Variants in CHD1 observed in about 807,000 individuals in gnomAD.
The protein encoded by CHD1 is ATP-dependent chromatin remodeler CHD1.
Under a neutral mutation model 224.2 loss-of-function variants are expected in CHD1, and 36 were observed. The ratio of observed to expected loss-of-function variants is 0.16; its 90% CI spans 0.12 to 0.21. CHD1 has a LOEUF of 0.21. Ranked by LOEUF, CHD1 falls within the 10% of genes least tolerant of loss-of-function variation. CHD1 has a pLI of 1.00. For missense variants in CHD1, 1,378 were observed against 1,994.8 expected, an observed-to-expected ratio of 0.69 and a Z score of 5.89; for synonymous variants, 668 against 658.3, an observed-to-expected ratio of 1.01 and a Z score of -0.23.
In CHD1 at chr5:98,858,192, T is replaced by C. The variant is rs774723846; in HGVS notation, c.4775A>G (p.Lys1592Arg). 20 of 1,613,032 alleles carry C rather than the reference T, an allele frequency of 1.2e-5. No individual in the cohort carries two copies. Among genetic ancestry groups the C allele is most frequent in the Non-Finnish European group, 1.7e-5 (20 of 1,179,196 alleles). ...GKDHRDWDHY[K>R]QDSRYYSDRE... ...CTGCCAAGTTTACCTGCTGTCTTGCTTGTAGTGATCCCAATCACGATGGTC... is the reference window on the plus strand; with the variant it reads ...CTGCCAAGTTTACCTGCTGTCTTGCCTGTAGTGATCCCAATCACGATGGTC... The change falls in exon 35 of 36, where the codon AAG becomes AGG. Residue 1592 changes from lysine (K) to arginine (R), a missense_variant. Physicochemically the swap from Lys to Arg is conservative, Grantham distance 26. Coordinates refer to ENST00000614616, the MANE Select transcript of CHD1 (RefSeq NM_001270.4).
intron 24 of CHD1, among the ~76,000 whole-genome samples, chr5:98,875,638 A>C (rs1480847360): frequency 6.6e-6 from 1 of 152,192 alleles, no homozygotes; most frequent in East Asian, 1.9e-4. Context: ...TAAAGACGAA[A>C]AGTACAGCAA....
At chr5:98,878,703 A>T (rs1451976127) in intron 23 of CHD1, among the ~76,000 whole-genome samples, 1 of 152,182 alleles carries the variant, frequency 6.6e-6, no homozygotes, top group Non-Finnish European at 1.5e-5. Flanking sequence ...TGATTAACAA[A>T]CATAGTTGAA....
chr5:98,906,925 TC>T (rs1472313781), intron 2 of CHD1, among the ~76,000 whole-genome samples: 1 of 152,202 alleles, frequency 6.6e-6, no homozygotes, highest in East Asian at 1.9e-4. Flanking sequence ...TTTATGAAAC[TC>T]AATTTTTTTC....
chr5:98,918,023 T>C (rs1385925397), intron 2 of CHD1, among the ~76,000 whole-genome samples: 1 of 152,006 alleles, frequency 6.6e-6, no homozygotes. Flanking sequence ...GCTTCCTTTT[T>C]TTTCCTTCCT....
intron 32 of CHD1, chr5:98,860,296 C>A: frequency 2.1e-6 from 1 of 475,366 alleles, no homozygotes; most frequent in Non-Finnish European, 4.0e-6. Flanking sequence ...CAAATCGCTT[C>A]ATTTTATAGT....
intron 16 of CHD1, 24 bp downstream of exon 16, chr5:98,889,052 G>A: frequency 6.7e-7 from 1 of 1,495,276 alleles, no homozygotes; most frequent in Non-Finnish European, 9.2e-7. Context: ...TTATCACAAA[G>A]AAACAACATT....
rs528376296 is a variant in CHD1 at position 98,870,818 on chromosome 5, A to C, written c.3862-15T>G. Reference sequence around the variant, plus strand: ...TCTGGAAGAATCTGAAAAAGCAATAAATTTTTTCAGATTGTCTTAATAAAT... The same window carrying C: ...TCTGGAAGAATCTGAAAAAGCAATACATTTTTTCAGATTGTCTTAATAAAT... On this transcript the variant is annotated splice_polypyrimidine_tract_variant and intron_variant, in intron 28 of 35. Coordinates refer to ENST00000614616, the MANE Select transcript of CHD1 (RefSeq NM_001270.4). The C allele has an allele frequency of 4.6e-6, 7 of 1,537,130 alleles. No homozygotes were observed. The highest frequency in any genetic ancestry group is 3.4e-5 in the Admixed American group (2 of 58,008).
chr5:98,904,950 T>C lies in CHD1; in HGVS notation c.202A>G (p.Thr68Ala). ...SGSQSESESD[T>A]SRENKVQAKP... The stretch of plus-strand genomic sequence containing the variant: ...GCTTGAACTTTGTTTTCTCGGGAAG[T>C]GTCTGACTCAGACTCTGACTGACTG... The change falls in exon 3 of 36, where the codon ACT becomes GCT. Residue 68 changes from threonine (T) to alanine (A), a missense_variant. Physicochemically the swap from Thr to Ala is moderately conservative, Grantham distance 58. Around this residue, in one of 16 missense-constraint regions of CHD1, gnomAD observed 306 missense variants for 298.1 expected, o/e 1.03. Transcript: ENST00000614616. 6.2e-7 allele frequency: 1 copy of C among 1,613,512 alleles called. No individual in the cohort carries two copies. Among genetic ancestry groups the C allele is most frequent in the Non-Finnish European group, 8.5e-7 (1 of 1,179,430 alleles).
chr5:98,872,026 A>G, intron 28 of CHD1, 25 bp downstream of exon 28: 1 of 1,560,220 alleles, frequency 6.4e-7, no homozygotes, highest in South Asian at 1.2e-5. Flanking sequence ...ATGAATGGTT[A>G]ACAGAATCAG....
In CHD1 at chr5:98,858,301, G is replaced by C. The variant is rs1273501972; in HGVS notation, c.4666C>G (p.His1556Asp). 9 of 1,612,872 alleles carry C rather than the reference G, an allele frequency of 5.6e-6. 1 individual carries two copies. The highest frequency in any genetic ancestry group is 3.3e-4 in the Middle Eastern group (2 of 6,078). Residue 1556 changes from histidine to aspartate, a missense_variant, in exon 35 of 36, where the codon CAT becomes GAT. Physicochemically the swap from His to Asp is moderately conservative, Grantham distance 81. This residue lies in a region of CHD1 where 278 missense variants were observed against 298.5 expected (regional missense o/e 0.93). Transcript: ENST00000614616. ...TCTCCCTGATGTCGGTCTTTATGAT[G>C]ATCATGGTACTGAGTTAAGTGTCTA... ...SDRHLTQYHD[H>D]HKDRHQGDSY...
intron 22 of CHD1, 89 bp from the exon 23 acceptor site, chr5:98,879,817 T>C: frequency 1.3e-6 from 1 of 757,228 alleles, no homozygotes; most frequent in Non-Finnish European, 2.1e-6. Flanking sequence ...GCATGCTCCT[T>C]AGGATAATGA....
At chr5:98,919,942 G>A (rs898749121) in intron 2 of CHD1, among the ~76,000 whole-genome samples, 1 of 152,128 alleles carries the variant, frequency 6.6e-6, no homozygotes, top group Non-Finnish European at 1.5e-5. Flanking sequence ...AGGCTCCTTG[G>A]AGAGTGGCTG....
chr5:98,912,618 C>T (rs2112593754), intron 2 of CHD1, among the ~76,000 whole-genome samples: 1 of 152,172 alleles, frequency 6.6e-6, no homozygotes, highest in Admixed American at 6.5e-5. Flanking sequence ...TTGCAGTGAG[C>T]CAAGATTGAG....
chr5:98,875,761 C>A (rs899143088), intron 24 of CHD1, among the ~76,000 whole-genome samples: 3 of 152,124 alleles, frequency 2.0e-5, no homozygotes, highest in African/African-American at 7.2e-5. Flanking sequence ...AAAAAAGTTA[C>A]AATGGCTTCA....
rs766193686 is a variant in CHD1 at position 98,894,694 on chromosome 5, G to A, written c.1711-8C>T. ...CCATTCATGAGTTCTTATCTATTAAGAAATTTGAAGGACAATTTTTAAGAC... is the reference window on the plus strand; with the variant it reads ...CCATTCATGAGTTCTTATCTATTAAAAAATTTGAAGGACAATTTTTAAGAC... On this transcript the variant is annotated splice_region_variant and splice_polypyrimidine_tract_variant and intron_variant, in intron 12 of 35. Transcript: ENST00000614616. The A allele has an allele frequency of 7.6e-7, 1 of 1,314,270 alleles. No homozygotes were observed. Among genetic ancestry groups the A allele is most frequent in the Non-Finnish European group, 1.1e-6 (1 of 940,154 alleles). 81.4% of individuals were successfully genotyped at this position (1,314,270 alleles called of 1,614,324 possible). A position where few individuals can be genotyped will look rare whatever the true frequency, so the allele number is the denominator to read the frequency against.
At chr5:98,916,928 C>CAT (rs79087347) in intron 2 of CHD1, among the ~76,000 whole-genome samples, 26,322 of 151,918 alleles carry the variant, frequency 0.17, 2,327 homozygotes, top group Middle Eastern at 0.33. Context: ...CTTTCATATC[C>CAT]GACCTCTGCC....
rs11295695 is a variant in CHD1, at chr5:98,881,252, CTTTTTTTTTTTT to C, written c.2964+15_2964+26del. On this transcript the variant is annotated intron_variant, in intron 21 of 35. Coordinates refer to ENST00000614616, the MANE Select transcript of CHD1 (RefSeq NM_001270.4). ...ATATGACACATATTCTGAGGCAGGCCTTTTTTTTTTTTTTTTTTTTTTTTACCTGGGGCTCTT... is the reference window on the plus strand; with the variant it reads ...ATATGACACATATTCTGAGGCAGGCCTTTTTTTTTTTTACCTGGGGCTCTT... 1.9e-4 allele frequency: 125 copies of C among 675,262 alleles called. No homozygotes were observed. Among genetic ancestry groups the C allele is most frequent in the South Asian group, 6.2e-4 (28 of 44,840 alleles). 41.8% of individuals were successfully genotyped at this position (675,262 alleles called of 1,614,324 possible).
chr5:98,888,832 GA>G (rs1750821509), intron 16 of CHD1, among the ~76,000 whole-genome samples: 1 of 152,080 alleles, frequency 6.6e-6, no homozygotes, highest in Admixed American at 6.6e-5. Flanking sequence ...TTTCTTGCTG[GA>G]TAAGTTATTA....
chr5:98,883,111 G>A lies in CHD1; in HGVS notation c.2695C>T (p.His899Tyr). The change falls in exon 19 of 36, where the codon CAT (histidine) becomes TAT (tyrosine). Residue 899 changes from histidine to tyrosine, a missense_variant. Physicochemically the swap from His to Tyr is moderately conservative, Grantham distance 83. Coordinates refer to ENST00000614616, the MANE Select transcript of CHD1 (RefSeq NM_001270.4). Reference protein sequence around the residue: ...QNDLQAQARAHRIGQKKQVNI... With the variant: ...QNDLQAQARAYRIGQKKQVNI... The stretch of plus-strand genomic sequence containing the variant: ...ACCTGTTTCTTTTGCCCAATTCGAT[G>A]GGCTCTAGCCTGTGCCTGAAGATCA... 6.7e-7 allele frequency: 1 copy of A among 1,502,630 alleles called. No homozygotes were observed. Among genetic ancestry groups the A allele is most frequent in the Non-Finnish European group, 8.9e-7 (1 of 1,129,932 alleles). The allele number at this position is 1,502,630 out of a possible 1,614,324, so 93.1% of individuals were successfully genotyped here. A position where few individuals can be genotyped will look rare whatever the true frequency, so the allele number is the denominator to read the frequency against.
Sources: allele counts gnomAD v4.1 joint callset (sites outside exome capture counted in the v4.1 genomes callset), GRCh38; gene constraint gnomAD v4.1.1; regional missense constraint gnomAD v4.1.1; transcripts MANE v1.5; gene names NCBI Gene and HGNC (gene_info 2026-07-23, HGNC 2026-07-21).